UBAP1: variants seen among roughly 807,000 people sequenced by gnomAD.
UBAP1 encodes ubiquitin associated protein 1, also known as ubiquitin-associated protein 1.
In UBAP1, 5 loss-of-function variants were observed where a neutral mutation model predicts 39.0. The ratio of observed to expected loss-of-function variants is 0.13; its 90% CI spans 0.07 to 0.27. The LOEUF is 0.27. Among genes scored for constraint, UBAP1 ranks in the 10% least tolerant of loss-of-function variants. UBAP1 has a pLI of 1.00. For missense variants in UBAP1, 490 were observed against 608.1 expected (o/e 0.81, Z 2.04); for synonymous variants, 211 against 225.1 (o/e 0.94, Z 0.56).
chr9:34,182,673 T>TCTCTC lies in UBAP1; in HGVS notation c.-8+3433_-8+3434insCTCTC, dbSNP rs1563881302. Among the ~76,000 whole-genome samples, 217 of 67,052 alleles carry TCTCTC rather than the reference T, an allele frequency of 3.2e-3. 7 individuals carry two copies. Among genetic ancestry groups the TCTCTC allele is most frequent in the African/African-American group, 0.01 (209 of 19,964 alleles). The allele number at this position is 67,052 out of a possible 152,430, so 44.0% of individuals were successfully genotyped here. ...TTTCTTTCTTTCTTTCTTTCTTTCT[T>TCTCTC]TCTTTCTTTCTCTCTCTCTTTCTTT... On this transcript the variant is annotated intron_variant, in intron 1 of 6. Coordinates refer to ENST00000297661, the MANE Select transcript of UBAP1 (RefSeq NM_016525.5).
chr9:34,183,414 G>T (rs1830198914), intron 1 of UBAP1, among the ~76,000 whole-genome samples: 1 of 151,656 alleles, frequency 6.6e-6, no homozygotes, highest in Admixed American at 6.6e-5. Flanking sequence ...GCGTGGTGGT[G>T]TGTGCCTGTA....
intron 2 of UBAP1, among the ~76,000 whole-genome samples, chr9:34,233,119 T>C (rs1587866276): frequency 6.6e-6 from 1 of 152,184 alleles, no homozygotes; most frequent in East Asian, 1.9e-4. Context: ...CAGAATCCCA[T>C]GATTTTGTCG....
chr9:34,248,518 T>C (rs186729575), intron 4 of UBAP1, among the ~76,000 whole-genome samples: 1 of 152,282 alleles, frequency 6.6e-6, no homozygotes, highest in Admixed American at 6.5e-5. Flanking sequence ...TTAGCCCAGG[T>C]TAAAGCCCGT....
intron 2 of UBAP1, among the ~76,000 whole-genome samples, chr9:34,233,661 A>C (rs2131606675): frequency 6.6e-6 from 1 of 152,312 alleles, no homozygotes; most frequent in South Asian, 2.1e-4. Context: ...TTAAAAAGTC[A>C]ATTTATAATG....
At chr9:34,228,370 A>G (rs1323939766) in intron 2 of UBAP1, among the ~76,000 whole-genome samples, 2 of 147,196 alleles carry the variant, frequency 1.4e-5, no homozygotes, top group African/African-American at 2.5e-5. Flanking sequence ...GTGAGCCGAG[A>G]TTGTGCCACT....
intron 2 of UBAP1, among the ~76,000 whole-genome samples, chr9:34,231,636 G>GTT (rs68035152): frequency 9.0e-5 from 13 of 143,830 alleles, no homozygotes; most frequent in African/African-American, 3.0e-4. Flanking sequence ...AAATTTTTTT[G>GTT]TTTTTTTTTT....
In UBAP1 at chr9:34,234,339, A is replaced by C; in HGVS notation, c.158A>C (p.Gln53Pro). Residue 53 changes from glutamine (Q) to proline (P), a missense_variant and splice_region_variant, in exon 3 of 7, where the codon CAG becomes CCG. By Grantham distance (76) the Gln-to-Pro change is moderately conservative. Transcript: ENST00000297661. ...PDCLQVVREV[Q>P]YDFSLEKKTI... is the part of the protein sequence containing the mutation. ...TGTTTGCAGGTTGTCAGAGAAGTAC[A>C]GGTAAGTGGTAATTTTTAGTTAAAG... The C allele has an allele frequency of 6.3e-7, 1 of 1,587,318 alleles. No individual in the cohort carries two copies. Among genetic ancestry groups the C allele is most frequent in the South Asian group, 1.2e-5 (1 of 85,762 alleles).
At chr9:34,221,058 A>C (rs1832729095) in intron 2 of UBAP1, 110 bp downstream of exon 2, 12 of 919,562 alleles carry the variant, frequency 1.3e-5, no homozygotes, top group Non-Finnish European at 2.1e-5. Context: ...TTTAATGAAC[A>C]GCTTGACAAA....
At chr9:34,208,276 G>C (rs1268431937) in intron 1 of UBAP1, among the ~76,000 whole-genome samples, 3 of 151,804 alleles carry the variant, frequency 2.0e-5, no homozygotes, top group East Asian at 3.9e-4. Context: ...TTTTTCCGAA[G>C]TTTTTTGGCA....
At chr9:34,202,624 C>CGTACGT (rs1554647600) in intron 1 of UBAP1, among the ~76,000 whole-genome samples, 1 of 107,326 alleles carries the variant, frequency 9.3e-6, no homozygotes, top group Admixed American at 9.7e-5. Context: ...TAGACAGAAA[C>CGTACGT]GTGTGTGTGT....
chr9:34,226,846 C>G (rs1833134581), intron 2 of UBAP1, among the ~76,000 whole-genome samples: 1 of 152,114 alleles, frequency 6.6e-6, no homozygotes, highest in South Asian at 2.1e-4. Context: ...TATGAACCAT[C>G]AAAATTTTTC....
chr9:34,224,674 G>GT, intron 2 of UBAP1: 1 of 297,046 alleles, frequency 3.4e-6, no homozygotes, highest in East Asian at 6.8e-5. Context: ...TTAGAGTAAA[G>GT]TATCCTATTT....
At chr9:34,212,682 A>G (rs1199662060) in intron 1 of UBAP1, among the ~76,000 whole-genome samples, 1 of 151,276 alleles carries the variant, frequency 6.6e-6, no homozygotes, top group Non-Finnish European at 1.5e-5. Context: ...CCCTGAACAG[A>G]CCAATAACAA....
At chr9:34,250,872 G>C in intron 6 of UBAP1, 113 bp downstream of exon 6, 1 of 864,494 alleles carries the variant, frequency 1.2e-6, no homozygotes, top group Non-Finnish European at 1.9e-6. Flanking sequence ...GTGACTACAG[G>C]TACAAGTATT....
chr9:34,184,495 G>A (rs1830271052), intron 1 of UBAP1, among the ~76,000 whole-genome samples: 1 of 151,228 alleles, frequency 6.6e-6, no homozygotes, highest in African/African-American at 2.4e-5. Context: ...GCCGGGCCTG[G>A]TGGCGGGCAC....
At chr9:34,251,347 T>G (rs1476548549) in intron 6 of UBAP1, 45 bp from the exon 7 acceptor site, 1 of 1,606,884 alleles carries the variant, frequency 6.2e-7, no homozygotes, top group Non-Finnish European at 8.5e-7. Context: ...AGCTGTGCTG[T>G]GACCCCACCC....
chr9:34,191,470 G>C (rs569163590), intron 1 of UBAP1: 1 of 152,576 alleles, frequency 6.6e-6, no homozygotes, highest in Admixed American at 6.5e-5. Flanking sequence ...ACAGTGAGTT[G>C]AAAGATCGAA....
intron 4 of UBAP1, 121 bp downstream of exon 4, chr9:34,242,229 T>G: frequency 3.7e-6 from 4 of 1,071,704 alleles, no homozygotes; most frequent in Non-Finnish European, 5.4e-6. Context: ...CAGGCTGGAA[T>G]GCAGTGGTGT....
intron 3 of UBAP1, among the ~76,000 whole-genome samples, chr9:34,234,744 T>C: frequency 6.6e-6 from 1 of 152,240 alleles, no homozygotes; most frequent in East Asian, 1.9e-4. Flanking sequence ...TAAACACATC[T>C]GCTGCATTGA....
Sources: allele counts gnomAD v4.1 joint callset (sites outside exome capture counted in the v4.1 genomes callset), GRCh38; gene constraint gnomAD v4.1.1; transcripts MANE v1.5; gene names NCBI Gene and HGNC (gene_info 2026-07-23, HGNC 2026-07-21).